FAM47E: variants seen among roughly 807,000 people sequenced by gnomAD.
The protein encoded by FAM47E is family with sequence similarity 47 member E, also known as protein FAM47E.
FAM47E carries 32 observed loss-of-function variants against 41.6 expected under a neutral mutation model. The observed-to-expected ratio is 0.77, with a 90% CI of 0.58 to 1.03. The LOEUF is 1.03. Among genes scored for constraint, FAM47E ranks in the 50% least tolerant of loss-of-function variants. The probability of loss-of-function intolerance (pLI) is 0.00; values close to 1 mark genes in which losing one functional copy is unlikely to be tolerated. For synonymous variants in FAM47E, 184 were observed against 188.7 expected (o/e 0.98, Z 0.20); for missense variants, 424 against 485.4 (o/e 0.87, Z 1.19).
Position 76,223,689 on chromosome 4 carries a change from A to T in FAM47E, c.81+6001A>T, listed in dbSNP as rs140459763. 6.4e-4 allele frequency among the ~76,000 whole-genome samples: 97 copies of T among 152,322 alleles called. No homozygotes were observed. In the Middle Eastern group the frequency reaches 0.014, roughly 21 times the overall value. Reference sequence around the variant, plus strand: ...ACAACCTATGACCCATGAGTAGAGTAAAGTGTGAGAAGCATAGCAGGTTAG... The same window carrying T: ...ACAACCTATGACCCATGAGTAGAGTTAAGTGTGAGAAGCATAGCAGGTTAG... On this transcript the variant is annotated intron_variant, in intron 2 of 7. Coordinates refer to the FAM47E transcript ENST00000510197.
intron 2 of FAM47E, among the ~76,000 whole-genome samples, chr4:76,231,552 A>G (rs1182719851): frequency 6.6e-6 from 1 of 152,034 alleles, no homozygotes; most frequent in Admixed American, 6.6e-5. Context: ...ACAAATCATG[A>G]CAGGACTGAG....
At chr4:76,251,512 T>C (rs1733961334), upstream of FAM47E, among the ~76,000 whole-genome samples, 1 of 152,126 alleles carries the variant, frequency 6.6e-6, no homozygotes, top group South Asian at 2.1e-4. Flanking sequence ...GAACACGCCT[T>C]CCCAGCAGAG....
chr4:76,278,257 G>A, intron 6 of FAM47E, 33 bp downstream of exon 6: 1 of 1,478,532 alleles, frequency 6.8e-7, no homozygotes, highest in Admixed American at 2.6e-5. Context: ...GATCATCTGA[G>A]CTTCAGATGA....
chr4:76,235,141 A>C lies in FAM47E; in HGVS notation c.81+17453A>C, dbSNP rs111861391. The stretch of plus-strand genomic sequence containing the variant: ...GACCATCATGGCTAACACGGTGAAA[A>C]CCCGTCCCTACTAAAAAATACAAAA... On this transcript the variant is annotated intron_variant, in intron 2 of 7. Transcript: ENST00000510197. Among the ~76,000 whole-genome samples the C allele has an allele frequency of 9.6e-3, 1,450 of 151,830 alleles. 25 individuals carry two copies. The highest frequency in any genetic ancestry group is 0.033 in the African/African-American group (1,375 of 41,396).
chr4:76,255,873 C>T (rs1452987640), intron 1 of FAM47E, among the ~76,000 whole-genome samples: 1 of 152,100 alleles, frequency 6.6e-6, no homozygotes, highest in African/African-American at 2.4e-5. Flanking sequence ...TGTGTACAAA[C>T]AAAGGATATA....
chr4:76,270,123 G>A (rs1297146755), intron 4 of FAM47E, among the ~76,000 whole-genome samples: 1 of 152,174 alleles, frequency 6.6e-6, no homozygotes, highest in African/African-American at 2.4e-5. Flanking sequence ...GGCACAGCTG[G>A]ATCCAGGTGC....
chr4:76,271,680 A>G lies in FAM47E; in HGVS notation c.782A>G (p.Glu261Gly), dbSNP rs1734896689. 20 of 1,551,928 alleles carry G rather than the reference A, an allele frequency of 1.3e-5. No homozygotes were observed. The highest frequency in any genetic ancestry group is 1.7e-5 in the Non-Finnish European group (20 of 1,147,064). ...HTMKLNQVPL[E>G]LKRSVGLSKL... ...ATGAAGCTAAATCAGGTTCCTCTGG[A>G]GCTAAAGCGTAGTGTGGGGCTCAGT... The change falls in exon 5 of 8, where the codon GAG (glutamate) becomes GGG (glycine). Residue 261 changes from glutamate (E) to glycine (G), a missense_variant. Transcript: ENST00000424749.
At chr4:76,238,495 G>A (rs539371447) in intron 2 of FAM47E, among the ~76,000 whole-genome samples, 2 of 152,128 alleles carry the variant, frequency 1.3e-5, no homozygotes, top group Non-Finnish European at 2.9e-5. Flanking sequence ...TTTAGCACAG[G>A]AACTAGCAGT....
At chr4:76,241,166 C>T (rs1255859152) in intron 2 of FAM47E, among the ~76,000 whole-genome samples, 1 of 152,154 alleles carries the variant, frequency 6.6e-6, no homozygotes, top group Non-Finnish European at 1.5e-5. Flanking sequence ...CTTTTCTAAG[C>T]CTGTCCCTGG....
At chr4:76,218,521 C>T (rs1037230271) in intron 2 of FAM47E, among the ~76,000 whole-genome samples, 1 of 152,226 alleles carries the variant, frequency 6.6e-6, no homozygotes, top group Non-Finnish European at 1.5e-5. Flanking sequence ...TCAAGAAGAC[C>T]TCATGGCTTC....
At chr4:76,244,246 G>A (rs1157794513) in intron 2 of FAM47E, among the ~76,000 whole-genome samples, 2 of 151,930 alleles carry the variant, frequency 1.3e-5, no homozygotes, top group African/African-American at 4.8e-5. Flanking sequence ...TAATCCTTTG[G>A]GTACATACCC....
At chr4:76,237,623 G>A (rs1007622046) in intron 2 of FAM47E, among the ~76,000 whole-genome samples, 2 of 152,138 alleles carry the variant, frequency 1.3e-5, no homozygotes, top group African/African-American at 4.8e-5. Flanking sequence ...AATTTCTAAA[G>A]AAAAGAGGTT....
Position 76,237,786 on chromosome 4 carries a change from A to G in FAM47E, c.81+20098A>G, listed in dbSNP as rs58343507. Among the ~76,000 whole-genome samples, 1,447 of 152,222 alleles carry G rather than the reference A, an allele frequency of 9.5e-3. 25 individuals carry two copies. Among genetic ancestry groups the G allele is most frequent in the African/African-American group, 0.033 (1,372 of 41,536 alleles). On this transcript the variant is annotated intron_variant, in intron 2 of 7. Coordinates refer to the FAM47E transcript ENST00000510197. Reference sequence around the variant, plus strand: ...AGAGCAGGAGCAAGAGAGAGGAAGGAGAGAAGTGATACACACTTTTAAACA... The same window carrying G: ...AGAGCAGGAGCAAGAGAGAGGAAGGGGAGAAGTGATACACACTTTTAAACA...
intron 3 of FAM47E, among the ~76,000 whole-genome samples, 198 bp downstream of exon 3, chr4:76,264,041 C>T (rs72860114): frequency 0.095 from 14,505 of 152,172 alleles, 824 homozygotes; most frequent in African/African-American, 0.16. Flanking sequence ...TATCCAGCGA[C>T]GACGCAGACA....
At chr4:76,222,625 T>A (rs1733329398) in intron 2 of FAM47E, among the ~76,000 whole-genome samples, 1 of 151,968 alleles carries the variant, frequency 6.6e-6, no homozygotes, top group South Asian at 2.1e-4. Context: ...CAGAGGAGGG[T>A]TTTGGTCCTT....
At chr4:76,274,001 T>TA (rs1264513443) in intron 5 of FAM47E, among the ~76,000 whole-genome samples, 1 of 152,156 alleles carries the variant, frequency 6.6e-6, no homozygotes, top group Non-Finnish European at 1.5e-5. Flanking sequence ...CTTTTGCGCA[T>TA]AAAAAACATA....
chr4:76,216,993 C>T (rs1389357458), intron 1 of FAM47E, among the ~76,000 whole-genome samples: 1 of 152,214 alleles, frequency 6.6e-6, no homozygotes, highest in African/African-American at 2.4e-5. Context: ...ATCTTCTCTA[C>T]CCACAGCTAT....
At chr4:76,217,240 G>A (rs1733224375) in intron 1 of FAM47E, among the ~76,000 whole-genome samples, 1 of 152,208 alleles carries the variant, frequency 6.6e-6, no homozygotes, top group South Asian at 2.1e-4. Context: ...CAGACAGCTT[G>A]GGAAGGGGTT....
chr4:76,238,369 T>C (rs1055328649), intron 2 of FAM47E, among the ~76,000 whole-genome samples: 2 of 152,204 alleles, frequency 1.3e-5, no homozygotes, highest in Admixed American at 1.3e-4. Flanking sequence ...TGTTTGTCCC[T>C]TTCTAAAAAT....
Sources: gnomAD v4.1 joint callset for allele counts (sites outside exome capture counted in the v4.1 genomes callset) on GRCh38, gnomAD v4.1.1 for gene constraint, MANE v1.5 for transcripts, NCBI Gene and HGNC (gene_info 2026-07-23, HGNC 2026-07-21) for gene names.